Variants in SEMA3A observed in about 807,000 individuals in gnomAD.
SEMA3A encodes semaphorin 3A, also known as semaphorin-3A.
Under a neutral mutation model 97.9 loss-of-function variants are expected in SEMA3A, and 29 were observed. The observed-to-expected ratio is 0.30, with a 90% CI of 0.22 to 0.40. The LOEUF (loss-of-function observed/expected upper bound fraction) is 0.40. SEMA3A is among the 10% of genes least tolerant of loss of function. SEMA3A has a pLI of 1.00. For synonymous variants in SEMA3A, 321 were observed against 323.7 expected (o/e 0.99, Z 0.09); for missense variants, 763 against 951.3 (o/e 0.80, Z 2.60).
intron 1 of SEMA3A, among the ~76,000 whole-genome samples, chr7:84,400,931 A>C (rs1167550223): frequency 1.3e-5 from 2 of 152,166 alleles, no homozygotes; most frequent in Non-Finnish European, 2.9e-5. Context: ...ATTGGGAAAA[A>C]CTGAAAGCTT....
chr7:84,383,642 T>C (rs1216956848), intron 1 of SEMA3A, among the ~76,000 whole-genome samples: 2 of 152,168 alleles, frequency 1.3e-5, no homozygotes, highest in Non-Finnish European at 2.9e-5. Flanking sequence ...TAGAACAGAT[T>C]GCCATCCAAA....
At chr7:84,158,883 T>C (rs953762272) in intron 1 of SEMA3A, among the ~76,000 whole-genome samples, 28 of 148,908 alleles carry the variant, frequency 1.9e-4, no homozygotes, top group South Asian at 2.1e-4. Flanking sequence ...TTGTAGATTT[T>C]CTTTAAAAAA....
At chr7:84,019,729 T>TAA (rs11454772) in intron 6 of SEMA3A, among the ~76,000 whole-genome samples, 2 of 151,456 alleles carry the variant, frequency 1.3e-5, no homozygotes, top group South Asian at 2.1e-4. Context: ...AACTATCAAA[T>TAA]AAAAAAAATA....
chr7:84,283,740 G>C (rs955622593), intron 3 of SEMA3A, among the ~76,000 whole-genome samples: 4 of 152,070 alleles, frequency 2.6e-5, no homozygotes, highest in African/African-American at 9.7e-5. Context: ...TAGTTTAAAA[G>C]TAAATGCTAT....
At chr7:84,492,295 A>C (rs936449278) in intron 1 of SEMA3A, among the ~76,000 whole-genome samples, 3 of 152,148 alleles carry the variant, frequency 2.0e-5, no homozygotes, top group Non-Finnish European at 4.4e-5. Flanking sequence ...AGTATTAATG[A>C]CAGTGCCAGG....
intron 2 of SEMA3A, among the ~76,000 whole-genome samples, chr7:84,339,747 A>G (rs898180280): frequency 2.6e-5 from 4 of 152,178 alleles, no homozygotes; most frequent in African/African-American, 9.7e-5. Context: ...TGATAAGTAC[A>G]GTAAGAAGAA....
intron 2 of SEMA3A, among the ~76,000 whole-genome samples, chr7:84,310,590 A>G (rs1327881238): frequency 1.3e-5 from 2 of 152,020 alleles, no homozygotes; most frequent in Non-Finnish European, 2.9e-5. Flanking sequence ...TGGAAATTCT[A>G]AAGGAGTTGT....
At chr7:84,086,342 T>A (rs927168026) in intron 4 of SEMA3A, among the ~76,000 whole-genome samples, 1 of 151,380 alleles carries the variant, frequency 6.6e-6, no homozygotes, top group Non-Finnish European at 1.5e-5. Context: ...AGTTGTGTAA[T>A]CATGACCTTA....
rs532741470 is a variant in SEMA3A at position 83,986,855 on chromosome 7, A to AC, written c.1453-1379_1453-1378insG. ...ATTTGAAAGTTAGATGGTACCTCTT[A>AC]TGGGGTGGTGATAAGACTGAATGAA... On this transcript the variant is annotated intron_variant, in intron 12 of 16. Transcript: ENST00000265362. 8.3e-3 allele frequency among the ~76,000 whole-genome samples: 1,049 copies of AC among 125,688 alleles called. 14 individuals carry two copies. Among genetic ancestry groups the AC allele is most frequent in the African/African-American group, 0.028 (974 of 35,192 alleles). 82.5% of individuals were successfully genotyped at this position (125,688 alleles called of 152,430 possible).
chr7:83,995,869 C>T (rs1326299738), intron 12 of SEMA3A, among the ~76,000 whole-genome samples: 5 of 152,102 alleles, frequency 3.3e-5, no homozygotes, highest in African/African-American at 1.2e-4. Flanking sequence ...CACAAGGACA[C>T]TTTTTTAGAA....
At chr7:84,466,263 C>A (rs1218126009) in intron 1 of SEMA3A, among the ~76,000 whole-genome samples, 1 of 152,072 alleles carries the variant, frequency 6.6e-6, no homozygotes, top group East Asian at 1.9e-4. Context: ...ACCTCCGCCT[C>A]CCTGGTTCAA....
intron 3 of SEMA3A, among the ~76,000 whole-genome samples, chr7:84,292,117 C>G (rs1218142989): frequency 6.6e-6 from 1 of 152,112 alleles, no homozygotes; most frequent in Non-Finnish European, 1.5e-5. Context: ...GCTTATCTAC[C>G]TCTAACCACT....
At chr7:84,464,637 C>T (rs573784437) in intron 1 of SEMA3A, among the ~76,000 whole-genome samples, 1 of 152,026 alleles carries the variant, frequency 6.6e-6, no homozygotes, top group Non-Finnish European at 1.5e-5. Flanking sequence ...CACAGAAATC[C>T]ATAAAAAAGT....
intron 4 of SEMA3A, among the ~76,000 whole-genome samples, chr7:84,089,483 A>G (rs1357985273): frequency 6.7e-6 from 1 of 149,658 alleles, no homozygotes; most frequent in Non-Finnish European, 1.5e-5. Flanking sequence ...AAAATTATTG[A>G]TTTTAATGTA....
At position 83,988,951 on chromosome 7, in the gene SEMA3A, C is replaced by T. The variant is rs537708936; in HGVS notation, c.1453-3474G>A. The stretch of plus-strand genomic sequence containing the variant: ...CGGCTCACTGCAGGATCCGCACCCC[C>T]CCGATATTCAGCTTTTTTAAAAAAA... On this transcript the variant is annotated intron_variant, in intron 12 of 16. Transcript: ENST00000265362. Among the ~76,000 whole-genome samples the T allele has an allele frequency of 2.3e-3, 354 of 151,058 alleles. 3 individuals carry two copies. The highest frequency in any genetic ancestry group is 8.2e-3 in the African/African-American group (338 of 41,120).
At chr7:84,394,311 A>G (rs1396099166) in intron 1 of SEMA3A, among the ~76,000 whole-genome samples, 1 of 152,088 alleles carries the variant, frequency 6.6e-6, no homozygotes, top group African/African-American at 2.4e-5. Flanking sequence ...GTGTTGATTG[A>G]CCATTAATTA....
At chr7:84,078,914 C>T (rs144286120) in intron 4 of SEMA3A, among the ~76,000 whole-genome samples, 40 of 152,048 alleles carry the variant, frequency 2.6e-4, no homozygotes, top group African/African-American at 9.4e-4. Context: ...TTCTTAGTTA[C>T]GTAGATACTA....
chr7:84,067,280 A>T (rs1793549949), intron 4 of SEMA3A, among the ~76,000 whole-genome samples: 1 of 152,170 alleles, frequency 6.6e-6, no homozygotes, highest in South Asian at 2.1e-4. Context: ...TTCAAGATGG[A>T]TTAAAGACTT....
intron 1 of SEMA3A, among the ~76,000 whole-genome samples, chr7:84,372,539 A>T (rs1208875592): frequency 5.3e-5 from 8 of 152,208 alleles, no homozygotes; most frequent in African/African-American, 1.9e-4. Context: ...AATGGTGACT[A>T]GTTTAATGAG....
Sources: gnomAD v4.1 joint callset for allele counts (sites outside exome capture counted in the v4.1 genomes callset) on GRCh38, gnomAD v4.1.1 for gene constraint, MANE v1.5 for transcripts, NCBI Gene and HGNC (gene_info 2026-07-23, HGNC 2026-07-21) for gene names.